Variants in CLDN14 observed in about 807,000 individuals in gnomAD.
CLDN14 encodes the protein claudin 14.
CLDN14 carries 2 observed loss-of-function variants against 2.1 expected under a neutral mutation model. The ratio of observed to expected loss-of-function variants is 0.96; its 90% CI spans 0.39 to 3.01. CLDN14 has a LOEUF of 3.01. Ranked by LOEUF, CLDN14 falls within the 30% of genes most tolerant of loss-of-function variation. The pLI is 0.09. For synonymous variants in CLDN14, 136 were observed against 154.4 expected (o/e 0.88, Z 0.88); for missense variants, 298 against 328.0 (o/e 0.91, Z 0.71).
chr21:36,559,832 T>C (rs902206545), intron 1 of CLDN14, among the ~76,000 whole-genome samples: 7 of 152,248 alleles, frequency 4.6e-5, no homozygotes, highest in African/African-American at 1.7e-4. Flanking sequence ...TCATATGCTA[T>C]CAGGAAAATA....
intron 1 of CLDN14, among the ~76,000 whole-genome samples, chr21:36,465,850 C>T (rs990284521): frequency 2.0e-5 from 3 of 152,200 alleles, no homozygotes; most frequent in African/African-American, 7.2e-5. Context: ...CCTCGACAGG[C>T]TGAGTAGTGG....
intron 1 of CLDN14, among the ~76,000 whole-genome samples, chr21:36,547,821 A>G (rs1473019430): frequency 1.3e-5 from 2 of 152,158 alleles, no homozygotes; most frequent in Non-Finnish European, 2.9e-5. Context: ...TGATCCTCCA[A>G]AGATGGTCAC....
intron 2 of CLDN14, chr21:36,486,524 C>T (rs756176979): frequency 2.6e-6 from 4 of 1,564,252 alleles, no homozygotes; most frequent in Non-Finnish European, 3.5e-6. Context: ...CATGGCACCC[C>T]CTTCCCCAGC....
At chr21:36,572,725 A>G (rs1272009878) in intron 1 of CLDN14, among the ~76,000 whole-genome samples, 1 of 152,114 alleles carries the variant, frequency 6.6e-6, no homozygotes, top group Non-Finnish European at 1.5e-5. Context: ...TTTGATTTAA[A>G]CCTTGACTCT....
chr21:36,507,770 A>G (rs2087146886), intron 2 of CLDN14, among the ~76,000 whole-genome samples: 1 of 152,150 alleles, frequency 6.6e-6, no homozygotes, highest in African/African-American at 2.4e-5. Context: ...TCTCAAAAAA[A>G]GAAAAAGGTT....
At chr21:36,565,030 T>G (rs385073) in intron 1 of CLDN14, among the ~76,000 whole-genome samples, 1 of 152,032 alleles carries the variant, frequency 6.6e-6, no homozygotes, top group African/African-American at 2.4e-5. Context: ...CCTCTAGAAC[T>G]GTAGGATAAT....
intron 2 of CLDN14, among the ~76,000 whole-genome samples, chr21:36,495,584 T>G (rs1408685838): frequency 6.6e-6 from 1 of 152,238 alleles, no homozygotes; most frequent in Non-Finnish European, 1.5e-5. Flanking sequence ...ATTCGATCAA[T>G]GCAGATGCTG....
chr21:36,461,171 G>A lies in CLDN14; in HGVS notation c.525C>T (p.Leu175=), dbSNP rs373226526. 1.4e-5 allele frequency: 23 copies of A among 1,613,964 alleles called. No individual in the cohort carries two copies. The highest frequency in any genetic ancestry group is 5.5e-5 in the South Asian group (5 of 91,080). ...ACAGGCAAAGCAGGGTGCCACCAAT[G>A]AGCGAGAGGGACGAGGAGATGAAGC... The part of the protein sequence containing the change: ...YLGFISSSLS[L]IGGTLLCLSC... Residue 175 remains leucine, a synonymous_variant, in exon 2 of 2, where the codon CTC becomes CTT. Coordinates refer to ENST00000399135, the MANE Select transcript of CLDN14 (RefSeq NM_001146079.2).
At chr21:36,504,645 G>C (rs2087115751) in intron 2 of CLDN14, among the ~76,000 whole-genome samples, 1 of 152,140 alleles carries the variant, frequency 6.6e-6, no homozygotes. Flanking sequence ...AAGTTTTAAT[G>C]GCTTGATAGA....
intron 1 of CLDN14, among the ~76,000 whole-genome samples, chr21:36,538,518 G>C (rs1053025859): frequency 6.6e-6 from 1 of 152,088 alleles, no homozygotes; most frequent in African/African-American, 2.4e-5. Context: ...GGAGGCTGAG[G>C]CAAGAGAATC....
rs1416652225 is a variant in CLDN14 at position 36,498,071 on chromosome 21, C to T, written c.-82+12292G>A. On this transcript the variant is annotated intron_variant, in intron 2 of 2. Transcript: ENST00000342108. The surrounding 1 kb of genome is among the most constrained non-coding windows in gnomAD (Gnocchi z 4.9). ...CTGGAGTGCAGTGGTGCAATCTTGG[C>T]TCACTGCAACCTCCACCGCCCGGGG... Among the ~76,000 whole-genome samples the T allele has an allele frequency of 6.6e-6, 1 of 151,674 alleles. No homozygotes were observed. The highest frequency in any genetic ancestry group is 1.5e-5 in the Non-Finnish European group (1 of 67,980).
At chr21:36,479,363 C>A (rs904522624) in intron 1 of CLDN14, 132 bp downstream of exon 1, 2 of 152,234 alleles carry the variant, frequency 1.3e-5, no homozygotes, top group Non-Finnish European at 2.9e-5. Context: ...CCAGCACGGT[C>A]CCTTCCTCTG....
chr21:36,464,931 G>A (rs2086626367), intron 1 of CLDN14, among the ~76,000 whole-genome samples: 1 of 152,222 alleles, frequency 6.6e-6, no homozygotes, highest in Non-Finnish European at 1.5e-5. Flanking sequence ...CTGAGGGATG[G>A]TGTGAGCAAC....
rs1204490292 is a variant in CLDN14, at chr21:36,555,844, T to A, written c.-220+20567A>T. On this transcript the variant is annotated intron_variant, in intron 1 of 2. Coordinates refer to the CLDN14 transcript ENST00000342108. ...GTGTGTGTGTGTGTGTGTGTGTGTG[T>A]GTGTGTGAGAGAGAGAGAGTGTGTG... Among the ~76,000 whole-genome samples the A allele has an allele frequency of 1.2e-3, 85 of 70,898 alleles. 1 individual carries two copies. Among genetic ancestry groups the A allele is most frequent in the South Asian group, 7.6e-3 (16 of 2,100 alleles). The allele number at this position is 70,898 out of a possible 152,430, so 46.5% of individuals were successfully genotyped here.
In CLDN14 at chr21:36,493,116, TTTG is replaced by T. The variant is rs544277434; in HGVS notation, c.-82+17244_-82+17246del. Among the ~76,000 whole-genome samples, 18 of 152,206 alleles carry T rather than the reference TTTG, an allele frequency of 1.2e-4. No individual in the cohort carries two copies. The South Asian group carries it at 3.5e-3, about 30-fold the overall frequency. Reference sequence around the variant, plus strand: ...GTTGAGCACGTGTTTTGTTTACCGGTTTGTTTTTCTGCCCGCCCCCGGGGAGGA... The same window carrying T: ...GTTGAGCACGTGTTTTGTTTACCGGTTTTTTCTGCCCGCCCCCGGGGAGGA... On this transcript the variant is annotated intron_variant, in intron 2 of 2. Transcript: ENST00000342108.
intron 1 of CLDN14, among the ~76,000 whole-genome samples, chr21:36,474,209 A>G (rs1336677756): frequency 1.3e-5 from 2 of 152,142 alleles, no homozygotes; most frequent in Non-Finnish European, 2.9e-5. Context: ...TATTTCATCT[A>G]CCTCTCACTG....
At chr21:36,519,482 G>T (rs918994157) in intron 1 of CLDN14, among the ~76,000 whole-genome samples, 4 of 151,972 alleles carry the variant, frequency 2.6e-5, no homozygotes, top group African/African-American at 7.3e-5. Context: ...AGGCTGAGGC[G>T]GGTGGATCAC....
chr21:36,560,098 G>A (rs1418741206), intron 1 of CLDN14, among the ~76,000 whole-genome samples: 1 of 152,200 alleles, frequency 6.6e-6, no homozygotes, highest in African/African-American at 2.4e-5. Context: ...GTTGATGGCT[G>A]ATGTGTATGT....
At chr21:36,503,229 T>A (rs1291330539) in intron 2 of CLDN14, among the ~76,000 whole-genome samples, 36 of 152,204 alleles carry the variant, frequency 2.4e-4, no homozygotes, top group Non-Finnish European at 8.8e-5. Context: ...AATTTTTGTA[T>A]TTTTAGTAGA....
Sources: gnomAD v4.1 joint callset for allele counts (sites outside exome capture counted in the v4.1 genomes callset) on GRCh38, gnomAD v4.1.1 for gene constraint, Gnocchi (gnomAD v3.1) non-coding constraint, MANE v1.5 for transcripts, NCBI Gene and HGNC (gene_info 2026-07-23, HGNC 2026-07-21) for gene names.